Variants in GNA15 observed in about 807,000 individuals in gnomAD.
The protein encoded by GNA15 is guanine nucleotide-binding protein subunit alpha-15.
In GNA15, 23 loss-of-function variants were observed where a neutral mutation model predicts 40.1. The ratio of observed to expected loss-of-function variants is 0.57; its 90% CI spans 0.41 to 0.81. The LOEUF (loss-of-function observed/expected upper bound fraction) is 0.81. Among genes scored for constraint, GNA15 ranks in the 40% least tolerant of loss-of-function variants. The pLI, the probability that GNA15 is intolerant of heterozygous loss-of-function variation, is 0.00. For missense variants in GNA15, 522 were observed against 515.8 expected (o/e 1.01, Z -0.12); for synonymous variants, 226 against 210.4 (o/e 1.07, Z -0.64).
rs368219827 is a variant in GNA15 at position 3,136,473 on chromosome 19, G to A, written c.23G>A (p.Arg8His). MARSLTWRCCPWCLTEDE... is the reference protein window; with the variant it reads MARSLTWHCCPWCLTEDE... Reference sequence around the variant, plus strand: ...ACCATGGCCCGCTCGCTGACCTGGCGCTGCTGCCCCTGGTGCCTGACGGAG... The same window carrying A: ...ACCATGGCCCGCTCGCTGACCTGGCACTGCTGCCCCTGGTGCCTGACGGAG... Residue 8 changes from arginine to histidine, a missense_variant, in exon 1 of 7, where the codon CGC becomes CAC. Physicochemically the swap from Arg to His is conservative, Grantham distance 29. Transcript: ENST00000262958. The surrounding 1 kb of genome is among the most constrained non-coding windows in gnomAD (Gnocchi z 4.9). The A allele has an allele frequency of 2.1e-4, 327 of 1,551,854 alleles. No homozygotes were observed. The highest frequency in any genetic ancestry group is 2.5e-4 in the Non-Finnish European group (285 of 1,148,322).
intron 5 of GNA15, among the ~76,000 whole-genome samples, chr19:3,157,307 CTCT>C (rs1309901879): frequency 1.3e-5 from 2 of 152,180 alleles, no homozygotes; most frequent in African/African-American, 2.4e-5. Flanking sequence ...CCAGGTCTCC[CTCT>C]TCTTATGAGG....
At chr19:3,156,281 C>A (rs867850181) in intron 5 of GNA15, among the ~76,000 whole-genome samples, 2 of 151,796 alleles carry the variant, frequency 1.3e-5, no homozygotes, top group African/African-American at 2.4e-5. Context: ...CACATACACA[C>A]GTGCACACAC....
intron 1 of GNA15, among the ~76,000 whole-genome samples, chr19:3,147,728 T>C (rs1353455528): frequency 2.0e-5 from 3 of 149,264 alleles, no homozygotes; most frequent in African/African-American, 7.4e-5. Flanking sequence ...CTACTAAAAA[T>C]ACAAAAAAAT....
intron 5 of GNA15, among the ~76,000 whole-genome samples, chr19:3,156,706 C>T (rs1915038833): frequency 6.6e-6 from 1 of 152,046 alleles, no homozygotes; most frequent in South Asian, 2.1e-4. Context: ...CCATGTTAGC[C>T]AGGATGGTCT....
chr19:3,157,977 G>C (rs543563687), intron 6 of GNA15, 96 bp downstream of exon 6: 6 of 983,630 alleles, frequency 6.1e-6, no homozygotes, highest in South Asian at 1.4e-5. Flanking sequence ...GGAGTCACCG[G>C]AACTTTCACA....
intron 6 of GNA15, among the ~76,000 whole-genome samples, chr19:3,158,610 TTTTC>T (rs1251381937): frequency 1.3e-5 from 2 of 151,970 alleles, no homozygotes; most frequent in Non-Finnish European, 2.9e-5. Flanking sequence ...ATTCTTTTTC[TTTTC>T]TTTCTTTCTT....
chr19:3,139,031 C>T (rs995698666), intron 1 of GNA15, among the ~76,000 whole-genome samples: 14 of 151,244 alleles, frequency 9.3e-5, no homozygotes, highest in African/African-American at 3.2e-4. Flanking sequence ...CTGCAACCTC[C>T]GCCTCCTGGG....
rs1007340374 is a variant in GNA15 at position 3,155,791 on chromosome 19, G to A, written c.615-32G>A. ...GGGGTGTCACGGAGCAGGCTCCTGA[G>A]CTCTGAAAGGGGGCACCTCGGTTCC... On this transcript the variant is annotated intron_variant, in intron 4 of 6. Transcript: ENST00000262958. This position sits in a 1 kb window ranked among gnomAD's most constrained non-coding sequence, Gnocchi z 5.6. 3 of 1,606,752 alleles carry A rather than the reference G, an allele frequency of 1.9e-6. No individual in the cohort carries two copies. Among genetic ancestry groups the A allele is most frequent in the African/African-American group, 2.7e-5 (2 of 75,026 alleles).
At chr19:3,142,787 G>C (rs1211427003) in intron 1 of GNA15, among the ~76,000 whole-genome samples, 1 of 152,132 alleles carries the variant, frequency 6.6e-6, no homozygotes, top group Non-Finnish European at 1.5e-5. Context: ...CAGGAGAATC[G>C]CTTGAACCTG....
At chr19:3,160,491 G>A (rs915138026) in intron 6 of GNA15, among the ~76,000 whole-genome samples, 7 of 152,126 alleles carry the variant, frequency 4.6e-5, no homozygotes, top group African/African-American at 1.7e-4. Flanking sequence ...ACGTTACTCT[G>A]CCACATTCTA....
intron 1 of GNA15, among the ~76,000 whole-genome samples, chr19:3,137,960 C>CAATA (rs532603975): frequency 1.3e-5 from 2 of 151,628 alleles, no homozygotes; most frequent in African/African-American, 4.9e-5. Context: ...GACTCATTGT[C>CAATA]AATAAATAAA....
rs116513034 is a variant in GNA15, at chr19:3,154,549, G to A, written c.615-1274G>A. Among the ~76,000 whole-genome samples, 521 of 150,666 alleles carry A rather than the reference G, an allele frequency of 3.5e-3. 1 individual carries two copies. Among genetic ancestry groups the A allele is most frequent in the African/African-American group, 0.011 (460 of 40,942 alleles). ...ATGGGTGGGTCGGTGGGTGGATTTC[G>A]TAAATGGGTGGACAGGTGGATGGAT... On this transcript the variant is annotated intron_variant, in intron 4 of 6. Transcript: ENST00000262958.
Position 3,136,555 on chromosome 19 carries a change from G to C in GNA15, c.105G>C (p.Gln35His), listed in dbSNP as rs1157589821. 1 of 1,568,476 alleles carries C rather than the reference G, an allele frequency of 6.4e-7. No homozygotes were observed. The highest frequency in any genetic ancestry group is 1.2e-5 in the South Asian group (1 of 85,416). The part of the protein sequence containing the change: ...DQEINRILLE[Q>H]KKQDRGELKL... ...AGATCAACAGGATCCTCTTGGAGCA[G>C]AAGAAGCAGGACCGCGGGGAGCTGA... The change falls in exon 1 of 7, where the codon CAG becomes CAC. Residue 35 changes from glutamine to histidine, a missense_variant. Gln to His is a conservative substitution (Grantham distance 24). Coordinates refer to ENST00000262958, the MANE Select transcript of GNA15 (RefSeq NM_002068.4). The surrounding 1 kb of genome is among the most constrained non-coding windows in gnomAD (Gnocchi z 4.9).
chr19:3,162,198 G>T lies in GNA15; in HGVS notation c.899-595G>T, dbSNP rs1682803. Among the ~76,000 whole-genome samples the T allele has an allele frequency of 2.1e-3, 319 of 151,820 alleles. 6 individuals carry two copies. Among genetic ancestry groups the T allele is most frequent in the African/African-American group, 7.5e-3 (312 of 41,386 alleles). On this transcript the variant is annotated intron_variant, in intron 6 of 6. Transcript: ENST00000262958. ...TCACGCCTGTAATCCCAGCGCTTTG[G>T]GGGGGTCAAGGCGGGCTGATCATTT...
In GNA15 at chr19:3,148,782, C is replaced by A; in HGVS notation, c.330+7C>A. 6.3e-7 allele frequency: 1 copy of A among 1,589,268 alleles called. No homozygotes were observed. Among genetic ancestry groups the A allele is most frequent in the Non-Finnish European group, 8.6e-7 (1 of 1,167,564 alleles). On this transcript the variant is annotated splice_region_variant and intron_variant, in intron 2 of 6. Coordinates refer to ENST00000262958, the MANE Select transcript of GNA15 (RefSeq NM_002068.4). ...CAGCAGGCCCGAGAGCAAGGTGAGC[C>A]GCCAGGGCAGGCAGGGGCCCAGGGC...
At chr19:3,149,335 GCA>G (rs746557630) in intron 2 of GNA15, 119 of 160,416 alleles carry the variant, frequency 7.4e-4, no homozygotes, top group Admixed American at 2.1e-3. Flanking sequence ...ATTCCCACAT[GCA>G]CACACACACA....
intron 2 of GNA15, chr19:3,149,543 T>C (rs310682): frequency 1 from 155,192 of 155,852 alleles, 77,271 homozygotes; most frequent in African/African-American, 1. Flanking sequence ...CACACCCATG[T>C]ACATGTGTAC....
At chr19:3,144,251 A>G (rs879506003) in intron 1 of GNA15, among the ~76,000 whole-genome samples, 8 of 152,050 alleles carry the variant, frequency 5.3e-5, no homozygotes, top group Non-Finnish European at 1.0e-4. Flanking sequence ...TCCCTCTGCT[A>G]CTAGCCCCAA....
chr19:3,136,514 G>T lies in GNA15; in HGVS notation c.64G>T (p.Ala22Ser), dbSNP rs374928184. ...CCTGACGGAGGATGAGAAGGCCGCC[G>T]CCCGGGTGGACCAGGAGATCAACAG... ...WCLTEDEKAA[A>S]RVDQEINRIL... is the part of the protein sequence containing the mutation. The change falls in exon 1 of 7, where the codon GCC becomes TCC. Residue 22 changes from alanine (A) to serine (S), a missense_variant. By Grantham distance (99) the Ala-to-Ser change is moderately conservative (BLOSUM62 1). Transcript: ENST00000262958. The surrounding 1 kb of genome is among the most constrained non-coding windows in gnomAD (Gnocchi z 4.9). The T allele has an allele frequency of 1.9e-6, 3 of 1,564,512 alleles. No individual in the cohort carries two copies. The highest frequency in any genetic ancestry group is 4.7e-5 in the East Asian group (2 of 42,242).
Sources: allele counts gnomAD v4.1 joint callset (sites outside exome capture counted in the v4.1 genomes callset), GRCh38; gene constraint gnomAD v4.1.1; non-coding constraint Gnocchi (gnomAD v3.1); transcripts MANE v1.5; gene names NCBI Gene and HGNC (gene_info 2026-07-23, HGNC 2026-07-21).